The following USP9X variants were observed in gnomAD, a reference collection of about 807,000 sequenced individuals.
USP9X encodes ubiquitin carboxyl-terminal hydrolase 9X.
USP9X carries 7 observed loss-of-function variants against 190.3 expected under a neutral mutation model. That is an observed-to-expected ratio of 0.04 (90% CI 0.02 to 0.07). USP9X has a LOEUF of 0.07. Ranked by LOEUF, USP9X falls within the 10% of genes least tolerant of loss-of-function variation. USP9X has a pLI of 1.00. For synonymous variants in USP9X, 645 were observed against 659.5 expected, an observed-to-expected ratio of 0.98 and a Z score of 0.34; for missense variants, 1,010 against 1,916.9, an observed-to-expected ratio of 0.53 and a Z score of 8.83.
chrX:41,167,638 T>C (rs1053759177), intron 17 of USP9X, 61 bp downstream of exon 17: 52 of 854,090 alleles, frequency 6.1e-5, no homozygotes, highest in African/African-American at 5.0e-4. Context: ...ATTTCTCTTA[T>C]ACAAAAGAGA....
intron 21 of USP9X, among the ~76,000 whole-genome samples, chrX:41,175,541 A>T (rs1234838715): frequency 1.8e-5 from 2 of 110,811 alleles, no homozygotes; most frequent in Non-Finnish European, 3.8e-5. Flanking sequence ...AAAAATTTAA[A>T]AAAGTTCCAG....
chrX:41,129,031 C>T lies in USP9X; in HGVS notation c.128C>T (p.Ser43Phe), dbSNP rs755870817. ...TSSPDSSNEN[S>F]PATPPDEQGQ... is the part of the protein sequence containing the mutation. ...TCGCCTGATTCTTCCAATGAAAATT[C>T]CCCGGCAACTCCCCCAGATGAGCAA... is the stretch of plus-strand genomic sequence containing the variant. Residue 43 changes from serine (S) to phenylalanine (F), a missense_variant, in exon 3 of 45, where the codon TCC becomes TTC. This residue lies in a region of USP9X where 176 missense variants were observed against 247.5 expected (regional missense o/e 0.71). Coordinates refer to ENST00000378308, the MANE Select transcript of USP9X (RefSeq NM_001039591.3). 2.1e-5 allele frequency: 25 copies of T among 1,207,810 alleles called. No individual in the cohort carries two copies. Among genetic ancestry groups the T allele is most frequent in the Non-Finnish European group, 2.7e-5 (24 of 894,350 alleles).
intron 33 of USP9X, among the ~76,000 whole-genome samples, chrX:41,211,353 C>T (rs780844425): frequency 8.9e-6 from 1 of 112,333 alleles, no homozygotes; most frequent in Non-Finnish European, 1.9e-5. Context: ...TTGCATATAG[C>T]TACAGGTGTT....
chrX:41,147,957 T>TG (rs761086866), intron 11 of USP9X, among the ~76,000 whole-genome samples: 7 of 111,021 alleles, frequency 6.3e-5, no homozygotes, highest in South Asian at 3.8e-4. Flanking sequence ...CCGTGAGTTT[T>TG]GGGGGGGACA....
intron 1 of USP9X, among the ~76,000 whole-genome samples, chrX:41,110,544 A>T (rs1408047680): frequency 9.0e-6 from 1 of 111,459 alleles, no homozygotes. Context: ...GGCTCCTACC[A>T]CTTTGACAGC....
At chrX:41,142,224 A>G (rs889249316) in intron 9 of USP9X, among the ~76,000 whole-genome samples, 3 of 112,092 alleles carry the variant, frequency 2.7e-5, no homozygotes, top group Non-Finnish European at 5.6e-5. Flanking sequence ...GCACAGAGCT[A>G]TTCAAAGTGT....
intron 23 of USP9X, among the ~76,000 whole-genome samples, chrX:41,185,663 TA>T (rs761766082): frequency 1.4e-4 from 15 of 110,950 alleles, no homozygotes; most frequent in Admixed American, 6.7e-4. Flanking sequence ...TTTTTTTTTT[TA>T]AAGTAGTTCT....
chrX:41,100,643 T>C (rs1330384942), intron 1 of USP9X, among the ~76,000 whole-genome samples: 2 of 111,670 alleles, frequency 1.8e-5, no homozygotes, highest in Non-Finnish European at 3.8e-5. Flanking sequence ...ATTTTTTATT[T>C]ATTTAAAAAA....
At chrX:41,133,711 C>T (rs945439511) in intron 4 of USP9X, among the ~76,000 whole-genome samples, 1 of 111,996 alleles carries the variant, frequency 8.9e-6, no homozygotes, top group African/African-American at 3.2e-5. Flanking sequence ...CTGTGCTTGG[C>T]TTATTTCACT....
intron 41 of USP9X, among the ~76,000 whole-genome samples, chrX:41,226,617 T>C (rs749622738): frequency 1.8e-5 from 2 of 111,971 alleles, no homozygotes; most frequent in South Asian, 7.3e-4. Flanking sequence ...TATCTCCAAA[T>C]TTACCATAAT....
At chrX:41,086,945 T>A (rs1164553391) in intron 1 of USP9X, among the ~76,000 whole-genome samples, 1 of 112,890 alleles carries the variant, frequency 8.9e-6, no homozygotes, top group African/African-American at 3.2e-5. Context: ...TAAAGAGTTA[T>A]ACAGCAGGTG....
At chrX:41,173,944 T>C (rs2147132150) in intron 21 of USP9X, among the ~76,000 whole-genome samples, 1 of 112,241 alleles carries the variant, frequency 8.9e-6, no homozygotes, top group Admixed American at 9.4e-5. Context: ...AGACCACATA[T>C]ACAATGGTGG....
At chrX:41,154,677 T>G (rs2062560905) in intron 14 of USP9X, among the ~76,000 whole-genome samples, 2 of 111,820 alleles carry the variant, frequency 1.8e-5, no homozygotes, top group African/African-American at 6.5e-5. Context: ...GAGATGTGAG[T>G]CTGCATAGTT....
At position 41,091,791 on chromosome X, in the gene USP9X, A is replaced by G. The variant is rs762163262; in HGVS notation, c.-159+5682A>G. ...TAACTTGACCAAGATAGCATGCCAT[A>G]GACTACCTTCTTTATGAAGCTATAT... On this transcript the variant is annotated intron_variant, in intron 1 of 44. Coordinates refer to ENST00000378308, the MANE Select transcript of USP9X (RefSeq NM_001039591.3). Among the ~76,000 whole-genome samples the G allele has an allele frequency of 8.1e-5, 9 of 111,752 alleles. No homozygotes were observed. The South Asian group carries it at 3.0e-3, about 37-fold the overall frequency.
At chrX:41,197,531 T>C (rs1339352787) in intron 29 of USP9X, 21 bp downstream of exon 29, 7 of 1,191,370 alleles carry the variant, frequency 5.9e-6, no homozygotes, top group African/African-American at 1.8e-5. Flanking sequence ...TGTTCTTGGT[T>C]GTAAGCTACA....
intron 41 of USP9X, among the ~76,000 whole-genome samples, chrX:41,227,629 AT>A (rs757574287): frequency 5.4e-5 from 6 of 111,913 alleles, no homozygotes; most frequent in Non-Finnish European, 1.1e-4. Context: ...AAAACTCACC[AT>A]TTCAAAGTAT....
chrX:41,189,407 A>G lies in USP9X; in HGVS notation c.3909A>G (p.Leu1303=). The G allele has an allele frequency of 3.3e-6, 4 of 1,211,122 alleles. No homozygotes were observed. The highest frequency in any genetic ancestry group is 2.2e-6 in the Non-Finnish European group (2 of 894,736). The change falls in exon 26 of 45, where the codon TTA becomes TTG. Residue 1303 remains leucine, a synonymous_variant. Transcript: ENST00000378308. ...TLCFALIPTA[L]DALSKEKAWQ... is the part of the protein sequence containing the mutation. ...GTTTTGCCTTGATTCCAACAGCCTT[A>G]GATGCTCTTAGTAAAGAAAAGGCTT...
At chrX:41,117,295 A>G (rs2062155502) in intron 1 of USP9X, among the ~76,000 whole-genome samples, 2 of 111,915 alleles carry the variant, frequency 1.8e-5, no homozygotes, top group African/African-American at 3.2e-5. Context: ...GTTTAAAGGG[A>G]TAGTCCCTTA....
Position 41,167,505 on chromosome X carries a change from T to G in USP9X, c.2352T>G (p.Asp784Glu), listed in dbSNP as rs1310681819. 4 of 1,205,718 alleles carry G rather than the reference T, an allele frequency of 3.3e-6. 1 individual carries two copies. The highest frequency in any genetic ancestry group is 3.5e-5 in the African/African-American group (2 of 57,038). Reference sequence around the variant, plus strand: ...AGGTCGTGATTCAGAGTAATGATGATATTGCCAGCAGAGCTATAGATCTCC... The same window carrying G: ...AGGTCGTGATTCAGAGTAATGATGAGATTGCCAGCAGAGCTATAGATCTCC... ...LWRVVIQSNDDIASRAIDLLK... is the reference protein window; with the variant it reads ...LWRVVIQSNDEIASRAIDLLK... Residue 784 changes from aspartate to glutamate, a missense_variant, in exon 17 of 45, where the codon GAT becomes GAG. Transcript: ENST00000378308.
Sources: gnomAD v4.1 joint callset for allele counts (sites outside exome capture counted in the v4.1 genomes callset) on GRCh38, gnomAD v4.1.1 for gene constraint, gnomAD v4.1.1 regional missense constraint, MANE v1.5 for transcripts, NCBI Gene and HGNC (gene_info 2026-07-23, HGNC 2026-07-21) for gene names.